The following HMGB1 variants were observed in gnomAD, a reference collection of about 807,000 sequenced individuals.
HMGB1 encodes high mobility group protein B1.
For synonymous variants in HMGB1, 81 were observed against 84.0 expected (o/e 0.96, Z 0.19); for missense variants, 79 against 253.5 (o/e 0.31, Z 4.67).
chr13:30,576,137 T>G (rs1870644060), intron 1 of HMGB1, among the ~76,000 whole-genome samples: 1 of 152,234 alleles, frequency 6.6e-6, no homozygotes, highest in Admixed American at 6.5e-5. Flanking sequence ...CAAATAAAAT[T>G]TGAATGCTTC....
intron 1 of HMGB1, among the ~76,000 whole-genome samples, chr13:30,605,129 C>T (rs1210713233): frequency 6.6e-6 from 1 of 151,898 alleles, no homozygotes; most frequent in Non-Finnish European, 1.5e-5. Context: ...CATGTGCTTG[C>T]TTTGTTTGGG....
chr13:30,617,399 G>A (rs1307589462), exon 1 of HMGB1: 1 of 152,040 alleles, frequency 6.6e-6, no homozygotes, highest in Non-Finnish European at 1.5e-5. Context: ...AGCGGACTAC[G>A]GATGCCCGGC....
At chr13:30,525,015 A>G (rs1888332800) in intron 1 of HMGB1, among the ~76,000 whole-genome samples, 1 of 152,222 alleles carries the variant, frequency 6.6e-6, no homozygotes. Flanking sequence ...GCATAGTAAA[A>G]TGGTTACAAA....
At chr13:30,551,769 G>A (rs988848192) in intron 1 of HMGB1, among the ~76,000 whole-genome samples, 1 of 151,934 alleles carries the variant, frequency 6.6e-6, no homozygotes, top group Admixed American at 6.6e-5. Context: ...GCAGTGGTGC[G>A]ATCATAGTTC....
Position 30,559,197 on chromosome 13 carries a change from GC to G in HMGB1, c.-15+57473del, listed in dbSNP as rs372735119. On this transcript the variant is annotated intron_variant, in intron 1 of 4. Coordinates refer to the HMGB1 transcript ENST00000405805. This position sits in a 1 kb window ranked among gnomAD's most constrained non-coding sequence, Gnocchi z 6.6. Reference sequence around the variant, plus strand: ...AAAATTGCCCCTGTTGAGAAGCACTGCCTTAGATCATTCCTTACCAAGGTAC... The same window carrying G: ...AAAATTGCCCCTGTTGAGAAGCACTGCTTAGATCATTCCTTACCAAGGTAC... 6.7e-4 allele frequency among the ~76,000 whole-genome samples: 102 copies of G among 152,262 alleles called. No homozygotes were observed. The highest frequency in any genetic ancestry group is 2.4e-3 in the African/African-American group (101 of 41,554).
chr13:30,589,600 G>T (rs1299071948), intron 1 of HMGB1, among the ~76,000 whole-genome samples: 1 of 152,194 alleles, frequency 6.6e-6, no homozygotes, highest in African/African-American at 2.4e-5. Flanking sequence ...TGTGCATGGT[G>T]GCTCATGCCT....
intron 1 of HMGB1, among the ~76,000 whole-genome samples, chr13:30,520,527 C>T (rs1323291796): frequency 3.3e-5 from 5 of 151,914 alleles, no homozygotes; most frequent in East Asian, 3.9e-4. Context: ...GGCTGAGGCA[C>T]GAGAATCACT....
chr13:30,537,618 C>T (rs767262067), intron 1 of HMGB1, among the ~76,000 whole-genome samples: 3 of 141,668 alleles, frequency 2.1e-5, no homozygotes, highest in Non-Finnish European at 4.6e-5. Flanking sequence ...TCACCCACGT[C>T]GCTGCATGTG....
At chr13:30,482,376 G>A (rs1188372155) in intron 1 of HMGB1, among the ~76,000 whole-genome samples, 7 of 152,216 alleles carry the variant, frequency 4.6e-5, no homozygotes, top group Non-Finnish European at 7.3e-5. Context: ...TTATTAGTTA[G>A]CAGACAGTGG....
At chr13:30,465,130 C>CA in intron 1 of HMGB1, 2 of 969,626 alleles carry the variant, frequency 2.1e-6, no homozygotes, top group South Asian at 9.3e-5. Flanking sequence ...CTCCAGCCAG[C>CA]AGCGCCGGGC....
intron 1 of HMGB1, among the ~76,000 whole-genome samples, chr13:30,557,022 G>T (rs973911688): frequency 4.6e-5 from 7 of 152,002 alleles, no homozygotes; most frequent in African/African-American, 1.7e-4. Flanking sequence ...ATGTACAATT[G>T]GTATTTGTCA....
chr13:30,511,676 C>T (rs1480686407), intron 1 of HMGB1, among the ~76,000 whole-genome samples: 2 of 152,158 alleles, frequency 1.3e-5, no homozygotes, highest in African/African-American at 2.4e-5. Context: ...GATTTTGGCA[C>T]CATCTTAGGC....
intron 1 of HMGB1, among the ~76,000 whole-genome samples, chr13:30,562,965 C>T (rs576568036): frequency 9.2e-5 from 14 of 152,274 alleles, no homozygotes; most frequent in East Asian, 3.9e-4. Context: ...GTGTTAATGG[C>T]GATGCCATGT....
intron 1 of HMGB1, among the ~76,000 whole-genome samples, chr13:30,599,958 G>C (rs1447803282): frequency 6.6e-6 from 1 of 152,136 alleles, no homozygotes; most frequent in East Asian, 1.9e-4. Flanking sequence ...ATACCCAAAT[G>C]AAATAATATA....
At chr13:30,506,966 C>G (rs1887883387) in intron 1 of HMGB1, among the ~76,000 whole-genome samples, 1 of 152,186 alleles carries the variant, frequency 6.6e-6, no homozygotes, top group Non-Finnish European at 1.5e-5. Context: ...AGACCATCCT[C>G]ACTCTGAAGG....
At chr13:30,534,950 T>G (rs1283453273) in intron 1 of HMGB1, among the ~76,000 whole-genome samples, 1 of 152,224 alleles carries the variant, frequency 6.6e-6, no homozygotes, top group Admixed American at 6.5e-5. Context: ...GCATTTTCAC[T>G]GTGCTATCCA....
intron 1 of HMGB1, among the ~76,000 whole-genome samples, chr13:30,561,690 T>C (rs1417828223): frequency 6.6e-6 from 1 of 151,856 alleles, no homozygotes; most frequent in African/African-American, 2.4e-5. Flanking sequence ...TAGTTAGAAA[T>C]AAAGGGGAGT....
At chr13:30,501,415 C>T (rs1593278067) in intron 1 of HMGB1, among the ~76,000 whole-genome samples, 1 of 152,220 alleles carries the variant, frequency 6.6e-6, no homozygotes, top group East Asian at 1.9e-4. Flanking sequence ...CAGTGGCTGG[C>T]CTTCACTGTA....
chr13:30,479,612 A>G (rs1397445189), intron 1 of HMGB1, among the ~76,000 whole-genome samples: 2 of 152,130 alleles, frequency 1.3e-5, no homozygotes, highest in Non-Finnish European at 2.9e-5. Context: ...AGGCTTTGGA[A>G]CCGGACACCT....
Sources: allele counts gnomAD v4.1 joint callset (sites outside exome capture counted in the v4.1 genomes callset), GRCh38; gene constraint gnomAD v4.1.1; non-coding constraint Gnocchi (gnomAD v3.1); transcripts MANE v1.5; gene names NCBI Gene and HGNC (gene_info 2026-07-23, HGNC 2026-07-21).